Variants in IQCH observed in about 807,000 individuals in gnomAD.
The protein encoded by IQCH is IQ motif containing H, also known as IQ domain-containing protein H.
In IQCH, 98 loss-of-function variants were observed where a neutral mutation model predicts 117.0. That is an observed-to-expected ratio of 0.84 (90% confidence interval 0.71 to 0.99). IQCH has a LOEUF of 0.99. Among genes scored for constraint, IQCH ranks in the 50% least tolerant of loss-of-function variants. The probability of loss-of-function intolerance (pLI) is 0.00; values close to 1 mark genes in which losing one functional copy is unlikely to be tolerated. For synonymous variants in IQCH, 412 were observed against 448.2 expected (o/e 0.92, Z 1.02); for missense variants, 1,102 against 1,243.8 (o/e 0.89, Z 1.72).
At chr15:67,347,860 T>A (rs1297626793) in intron 6 of IQCH, among the ~76,000 whole-genome samples, 2 of 147,210 alleles carry the variant, frequency 1.4e-5, no homozygotes, top group Non-Finnish European at 3.0e-5. Flanking sequence ...TATATTTATA[T>A]ATCTATATAT....
intron 18 of IQCH, among the ~76,000 whole-genome samples, chr15:67,478,081 A>G (rs1383629881): frequency 1.3e-5 from 2 of 152,160 alleles, no homozygotes; most frequent in African/African-American, 4.8e-5. Context: ...CACTGAAGAC[A>G]GCTACAGAAA....
At chr15:67,461,898 C>T (rs1457971988) in intron 16 of IQCH, among the ~76,000 whole-genome samples, 3 of 152,130 alleles carry the variant, frequency 2.0e-5, no homozygotes, top group Non-Finnish European at 4.4e-5. Context: ...ACATAGACAA[C>T]GGACAATGTG....
Position 67,340,948 on chromosome 15 carries a change from C to A in IQCH, c.509-3115C>A, listed in dbSNP as rs767386632. Among the ~76,000 whole-genome samples the A allele has an allele frequency of 3.3e-4, 51 of 152,296 alleles. 1 individual carries two copies. The highest frequency in any genetic ancestry group is 4.6e-4 in the Admixed American group (7 of 15,302). On this transcript the variant is annotated intron_variant, in intron 5 of 20. Transcript: ENST00000335894. ...AAGTGGCCAGGCGCAGCGGCTCATGCCTCTAATCCCAGCACTTTGGGAGGC... is the reference window on the plus strand; with the variant it reads ...AAGTGGCCAGGCGCAGCGGCTCATGACTCTAATCCCAGCACTTTGGGAGGC...
chr15:67,302,475 G>A (rs1387212400), intron 4 of IQCH, among the ~76,000 whole-genome samples: 1 of 152,158 alleles, frequency 6.6e-6, no homozygotes, highest in East Asian at 1.9e-4. Flanking sequence ...TCAAGGAGAA[G>A]GAAATAGACA....
intron 8 of IQCH, among the ~76,000 whole-genome samples, chr15:67,368,238 G>T (rs1025241810): frequency 6.6e-6 from 1 of 152,204 alleles, no homozygotes; most frequent in African/African-American, 2.4e-5. Flanking sequence ...AAAGGCAAGG[G>T]CAGTGACCTT....
chr15:67,461,882 T>TA (rs2082804504), intron 16 of IQCH, among the ~76,000 whole-genome samples: 2 of 152,202 alleles, frequency 1.3e-5, no homozygotes, highest in African/African-American at 4.8e-5. Context: ...GGTGACCTAA[T>TA]AGCTAACATA....
rs2082031289 is a variant in IQCH at position 67,432,032 on chromosome 15, C to T, written c.2505+10455C>T. ...TCCAGCCTGGATGACAGAGCAAGACCCTGTCTCAAAAATAAATAAATAAAT... is the reference window on the plus strand; with the variant it reads ...TCCAGCCTGGATGACAGAGCAAGACTCTGTCTCAAAAATAAATAAATAAAT... On this transcript the variant is annotated intron_variant, in intron 16 of 20. Transcript: ENST00000335894. This position sits in a 1 kb window ranked among gnomAD's most constrained non-coding sequence, Gnocchi z 5.0. Among the ~76,000 whole-genome samples the T allele has an allele frequency of 6.6e-6, 1 of 151,972 alleles. No individual in the cohort carries two copies.
intron 6 of IQCH, among the ~76,000 whole-genome samples, chr15:67,357,097 T>C (rs1425804861): frequency 2.6e-5 from 4 of 152,234 alleles, no homozygotes; most frequent in Admixed American, 6.5e-5. Flanking sequence ...TTTGCCTTTT[T>C]ATCTAGGCAG....
At chr15:67,352,202 T>C (rs536895763) in intron 6 of IQCH, among the ~76,000 whole-genome samples, 1 of 152,318 alleles carries the variant, frequency 6.6e-6, no homozygotes, top group Non-Finnish European at 1.5e-5. Flanking sequence ...CTAAAGTTAA[T>C]AAATATCTGT....
At chr15:67,460,538 C>G (rs2082766610) in intron 16 of IQCH, among the ~76,000 whole-genome samples, 1 of 152,208 alleles carries the variant, frequency 6.6e-6, no homozygotes, top group Non-Finnish European at 1.5e-5. Flanking sequence ...AAACGTTGGA[C>G]AGCAAGTGTT....
chr15:67,263,894 C>T (rs989710609), intron 3 of IQCH, among the ~76,000 whole-genome samples: 2 of 152,210 alleles, frequency 1.3e-5, no homozygotes, highest in African/African-American at 4.8e-5. Flanking sequence ...ACTTTTTACA[C>T]ACAGGCCTCC....
chr15:67,416,800 G>T lies in IQCH; in HGVS notation c.2098-131G>T. The T allele has an allele frequency of 1.7e-6, 1 of 588,584 alleles. No homozygotes were observed. 36.5% of individuals were successfully genotyped at this position (588,584 alleles called of 1,614,324 possible). A position where few individuals can be genotyped will look rare whatever the true frequency, so the allele number is the denominator to read the frequency against. On this transcript the variant is annotated intron_variant, in intron 14 of 20. Coordinates refer to ENST00000335894, the MANE Select transcript of IQCH (RefSeq NM_001031715.3). The surrounding 1 kb of genome is among the most constrained non-coding windows in gnomAD (Gnocchi z 5.1). ...AAAAAGAGAGAACATTTTCAAAATG[G>T]CTTTCTGACTCTGGGTAAACAGTAA...
chr15:67,428,404 G>A (rs970619655), intron 16 of IQCH, among the ~76,000 whole-genome samples: 2 of 152,118 alleles, frequency 1.3e-5, no homozygotes, highest in African/African-American at 4.8e-5. Flanking sequence ...GTAATGGTCC[G>A]CTAAAGATAT....
At chr15:67,415,681 A>G (rs900481163) in intron 14 of IQCH, among the ~76,000 whole-genome samples, 4 of 152,092 alleles carry the variant, frequency 2.6e-5, no homozygotes, top group African/African-American at 9.7e-5. Flanking sequence ...GTGATTTCTA[A>G]TATTCCAATC....
At position 67,500,711 on chromosome 15, in the gene IQCH, AAAG is replaced by A; in HGVS notation, c.3051_3053del (p.Lys1017_Asp1018delinsAsn). On this transcript the variant is annotated inframe_deletion, in exon 21 of 21. Coordinates refer to ENST00000335894, the MANE Select transcript of IQCH (RefSeq NM_001031715.3). The surrounding 1 kb of genome is among the most constrained non-coding windows in gnomAD (Gnocchi z 4.4). ...GAGATTTGAAGAGGAGCAACAGTCCAAAGATGATAAAAACCTCTCTAAACCCAA... is the reference window on the plus strand; with the variant it reads ...GAGATTTGAAGAGGAGCAACAGTCCAATGATAAAAACCTCTCTAAACCCAA... 1 of 1,600,700 alleles carries A rather than the reference AAAG, an allele frequency of 6.2e-7. No homozygotes were observed.
In IQCH at chr15:67,454,321, T is replaced by C. The variant is rs977283079; in HGVS notation, c.2506-10806T>C. On this transcript the variant is annotated intron_variant, in intron 16 of 20. Transcript: ENST00000335894. This position sits in a 1 kb window ranked among gnomAD's most constrained non-coding sequence, Gnocchi z 5.2. Reference sequence around the variant, plus strand: ...AGAAATCACCCGTCTTCTGCGTCGCTCACGCTGGGAGCTGTAGACCGGAGC... The same window carrying C: ...AGAAATCACCCGTCTTCTGCGTCGCCCACGCTGGGAGCTGTAGACCGGAGC... Among the ~76,000 whole-genome samples, 1 of 152,226 alleles carries C rather than the reference T, an allele frequency of 6.6e-6. No individual in the cohort carries two copies. Among genetic ancestry groups the C allele is most frequent in the Non-Finnish European group, 1.5e-5 (1 of 68,036 alleles).
intron 6 of IQCH, among the ~76,000 whole-genome samples, chr15:67,350,752 G>C (rs897835247): frequency 6.6e-6 from 1 of 152,060 alleles, no homozygotes; most frequent in Non-Finnish European, 1.5e-5. Flanking sequence ...CTTGATTGTG[G>C]TGATGGTTAT....
At chr15:67,477,286 A>T (rs2083228783) in intron 18 of IQCH, among the ~76,000 whole-genome samples, 1 of 151,746 alleles carries the variant, frequency 6.6e-6, no homozygotes, top group Non-Finnish European at 1.5e-5. Flanking sequence ...CGACCTCATG[A>T]TCCGCCCGCC....
At chr15:67,382,955 T>C (rs1970986009) in intron 10 of IQCH, among the ~76,000 whole-genome samples, 1 of 152,198 alleles carries the variant, frequency 6.6e-6, no homozygotes, top group Non-Finnish European at 1.5e-5. Flanking sequence ...TGAAATCTTT[T>C]CACCTGTCAA....
Sources: gnomAD v4.1 joint callset for allele counts (sites outside exome capture counted in the v4.1 genomes callset) on GRCh38, gnomAD v4.1.1 for gene constraint, Gnocchi (gnomAD v3.1) non-coding constraint, MANE v1.5 for transcripts, NCBI Gene and HGNC (gene_info 2026-07-23, HGNC 2026-07-21) for gene names.